The following USH2A variants were observed in gnomAD, a reference collection of about 807,000 sequenced individuals.
The protein encoded by USH2A is Usher syndrome 2A (autosomal recessive, mild).
USH2A carries 443 observed loss-of-function variants against 538.9 expected under a neutral mutation model. The observed-to-expected ratio is 0.82, with a 90% confidence interval of 0.76 to 0.89. The LOEUF is 0.89. Ranked by LOEUF, USH2A falls within the 40% of genes least tolerant of loss-of-function variation. USH2A has a pLI of 0.00. For synonymous variants in USH2A, 2,413 were observed against 2,273.5 expected, an observed-to-expected ratio of 1.06 and a Z score of -1.75; for missense variants, 6,633 against 6,324.8, an observed-to-expected ratio of 1.05 and a Z score of -1.65.
intron 35 of USH2A, among the ~76,000 whole-genome samples, chr1:215,979,331 C>T (rs1667696927): frequency 6.6e-6 from 1 of 152,138 alleles, no homozygotes; most frequent in African/African-American, 2.4e-5. Flanking sequence ...CAAACCATAT[C>T]ACTCGATAAA....
intron 45 of USH2A, among the ~76,000 whole-genome samples, chr1:215,845,127 C>T (rs547780893): frequency 1.3e-5 from 2 of 152,026 alleles, no homozygotes; most frequent in Non-Finnish European, 2.9e-5. Flanking sequence ...ATCATAAGAA[C>T]CCATCTTAAC....
At chr1:216,252,144 A>T (rs890876042) in intron 11 of USH2A, among the ~76,000 whole-genome samples, 5 of 152,274 alleles carry the variant, frequency 3.3e-5, no homozygotes, top group Admixed American at 3.3e-4. Flanking sequence ...CATAAAATAC[A>T]GTGTTCATCT....
At chr1:216,098,497 A>G (rs2032498790) in intron 21 of USH2A, among the ~76,000 whole-genome samples, 1 of 152,210 alleles carries the variant, frequency 6.6e-6, no homozygotes, top group Non-Finnish European at 1.5e-5. Flanking sequence ...CAAAAGCCCT[A>G]CATAGGTGGG....
At chr1:215,912,704 T>C (rs1182559771) in intron 38 of USH2A, among the ~76,000 whole-genome samples, 1 of 152,122 alleles carries the variant, frequency 6.6e-6, no homozygotes, top group African/African-American at 2.4e-5. Context: ...GTTTGTTATG[T>C]AGGTAAACTG....
chr1:215,725,057 G>A (rs11804439), intron 61 of USH2A, among the ~76,000 whole-genome samples: 6,161 of 151,934 alleles, frequency 0.041, 383 homozygotes, highest in African/African-American at 0.13. Flanking sequence ...TTTTTGAGAC[G>A]GAGTCTTGCT....
chr1:216,136,333 A>G (rs1200553708), intron 21 of USH2A, among the ~76,000 whole-genome samples: 1 of 152,224 alleles, frequency 6.6e-6, no homozygotes, highest in East Asian at 1.9e-4. Flanking sequence ...GTAAAAACAC[A>G]CAGCATCTGT....
chr1:216,267,366 T>C (rs1032793484), intron 11 of USH2A, among the ~76,000 whole-genome samples: 3 of 152,122 alleles, frequency 2.0e-5, no homozygotes, highest in Admixed American at 2.0e-4. Context: ...CAGGAAATAA[T>C]AGCAGAATAG....
At chr1:216,137,634 G>A (rs1046346203) in intron 21 of USH2A, among the ~76,000 whole-genome samples, 2 of 152,106 alleles carry the variant, frequency 1.3e-5, no homozygotes, top group African/African-American at 4.8e-5. Context: ...CAGGCTGGGA[G>A]GCTAGGCCAG....
chr1:215,978,043 C>T (rs547051164), intron 35 of USH2A, among the ~76,000 whole-genome samples: 1 of 152,144 alleles, frequency 6.6e-6, no homozygotes, highest in African/African-American at 2.4e-5. Flanking sequence ...GGCAGAATCA[C>T]TCAGGCCCAG....
At position 216,000,385 on chromosome 1, in the gene USH2A, GACA is replaced by G. The variant is rs1367792601; in HGVS notation, c.6485+15_6485+17del. The G allele has an allele frequency of 4.3e-6, 7 of 1,613,310 alleles. No homozygotes were observed. Among genetic ancestry groups the G allele is most frequent in the South Asian group, 3.3e-5 (3 of 91,060 alleles). ...CTTGCATGAACCAGCATGTGAGAGA[GACA>G]ACATTTCTACTTACTGTATGTGTAT... is the stretch of plus-strand genomic sequence containing the variant. On this transcript the variant is annotated intron_variant, in intron 33 of 71. Transcript: ENST00000307340.
At chr1:216,379,593 T>G (rs1341085235) in intron 3 of USH2A, among the ~76,000 whole-genome samples, 1 of 152,200 alleles carries the variant, frequency 6.6e-6, no homozygotes, top group African/African-American at 2.4e-5. Context: ...AATCAGTGTC[T>G]AAGTCATTTA....
intron 61 of USH2A, among the ~76,000 whole-genome samples, chr1:215,717,163 T>C (rs3911020): frequency 0.27 from 41,165 of 152,090 alleles, 6,599 homozygotes; most frequent in Non-Finnish European, 0.36. Context: ...ACATTCCTTA[T>C]TGGCTCTTAG....
At chr1:216,088,802 A>AT (rs566533261) in intron 23 of USH2A, among the ~76,000 whole-genome samples, 4 of 152,032 alleles carry the variant, frequency 2.6e-5, no homozygotes, top group African/African-American at 4.8e-5. Flanking sequence ...CTTCATTGTT[A>AT]TTTTTTTCTT....
rs979574013 is a variant in USH2A, at chr1:215,821,295, T to C, written c.9372-4100A>G. 6.6e-5 allele frequency among the ~76,000 whole-genome samples: 10 copies of C among 151,802 alleles called. No homozygotes were observed. In the East Asian group the frequency reaches 1.7e-3, roughly 26 times the overall value. ...TTTTATCAAAGCCATTTTATCTGGG[T>C]GACATAATATTTCATTATGGTTTTG... is the stretch of plus-strand genomic sequence containing the variant. On this transcript the variant is annotated intron_variant, in intron 47 of 71. Transcript: ENST00000307340.
chr1:216,133,715 A>T (rs2033424832), intron 21 of USH2A, among the ~76,000 whole-genome samples: 1 of 152,060 alleles, frequency 6.6e-6, no homozygotes, highest in Non-Finnish European at 1.5e-5. Flanking sequence ...ACCTAGGTCT[A>T]TTTTTTCACA....
chr1:215,907,674 A>C (rs1665675134), intron 38 of USH2A, among the ~76,000 whole-genome samples: 1 of 152,084 alleles, frequency 6.6e-6, no homozygotes, highest in Non-Finnish European at 1.5e-5. Flanking sequence ...TAGCTGACTC[A>C]AAATGGTCAT....
chr1:215,866,265 CAACAAATT>C (rs1664466002), intron 44 of USH2A, among the ~76,000 whole-genome samples: 2 of 152,086 alleles, frequency 1.3e-5, no homozygotes, highest in African/African-American at 4.8e-5. Context: ...TAACAGATCA[CAACAAATT>C]AACATGTTAA....
intron 32 of USH2A, among the ~76,000 whole-genome samples, chr1:216,009,377 T>A (rs530416325): frequency 2.6e-5 from 4 of 152,290 alleles, no homozygotes; most frequent in African/African-American, 9.6e-5. Flanking sequence ...GCAATACCGC[T>A]TGACCACAAT....
chr1:216,258,015 G>T (rs2036291906), intron 11 of USH2A, among the ~76,000 whole-genome samples: 2 of 151,972 alleles, frequency 1.3e-5, no homozygotes, highest in South Asian at 4.2e-4. Flanking sequence ...CACAATTCTG[G>T]ATCAATTTTG....
Sources: gnomAD v4.1 joint callset for allele counts (sites outside exome capture counted in the v4.1 genomes callset) on GRCh38, gnomAD v4.1.1 for gene constraint, MANE v1.5 for transcripts, NCBI Gene and HGNC (gene_info 2026-07-23, HGNC 2026-07-21) for gene names.